CHRM3: variants seen among roughly 807,000 people sequenced by gnomAD.
CHRM3 encodes the protein cholinergic receptor muscarinic 3.
Under a neutral mutation model 41.8 loss-of-function variants are expected in CHRM3, and 11 were observed. The ratio of observed to expected loss-of-function variants is 0.26; its 90% CI spans 0.17 to 0.44. The LOEUF is 0.44. Among genes scored for constraint, CHRM3 ranks in the 20% least tolerant of loss-of-function variants. The pLI is 1.00. For missense variants in CHRM3, 571 were observed against 745.4 expected (o/e 0.77, Z 2.72); for synonymous variants, 297 against 301.4 (o/e 0.99, Z 0.15).
intron 6 of CHRM3, among the ~76,000 whole-genome samples, chr1:239,869,647 TC>T (rs1234781603): frequency 1.3e-5 from 2 of 152,112 alleles, no homozygotes; most frequent in East Asian, 3.9e-4. Flanking sequence ...AGACTTCCTT[TC>T]TTCCTCTGAC....
chr1:239,520,264 T>C (rs1669552725), intron 2 of CHRM3, among the ~76,000 whole-genome samples: 1 of 152,174 alleles, frequency 6.6e-6, no homozygotes, highest in South Asian at 2.1e-4. Context: ...TTAACAGTGA[T>C]ATAGTTTGAA....
At chr1:239,902,352 G>A (rs1369645221) in intron 6 of CHRM3, among the ~76,000 whole-genome samples, 1 of 152,138 alleles carries the variant, frequency 6.6e-6, no homozygotes, top group African/African-American at 2.4e-5. Flanking sequence ...AAATAGTCAA[G>A]TAATTTGGTA....
chr1:239,433,050 A>T (rs1662951496), intron 1 of CHRM3, among the ~76,000 whole-genome samples: 1 of 152,012 alleles, frequency 6.6e-6, no homozygotes. Context: ...TCAAATCTTT[A>T]CCTTTATTTC....
At chr1:239,446,258 A>G (rs562869162) in intron 1 of CHRM3, among the ~76,000 whole-genome samples, 22 of 152,314 alleles carry the variant, frequency 1.4e-4, no homozygotes, top group East Asian at 1.9e-4. Context: ...TAAACCTTCA[A>G]GACAGAAGAA....
intron 1 of CHRM3, among the ~76,000 whole-genome samples, chr1:239,459,286 A>AAATCATTT (rs1665188382): frequency 6.6e-6 from 1 of 152,150 alleles, no homozygotes; most frequent in Admixed American, 6.6e-5. Context: ...AAACATGTAA[A>AAATCATTT]AATCATTTAT....
chr1:239,704,949 C>T (rs1292080562), intron 5 of CHRM3: 1 of 152,186 alleles, frequency 6.6e-6, no homozygotes, highest in Non-Finnish European at 1.5e-5. Context: ...ACCCATAGTC[C>T]CAGCACTTTG....
rs1558184197 is a variant in CHRM3 at position 239,389,808 on chromosome 1, G to T, written c.-521+2581G>T. Reference sequence around the variant, plus strand: ...AACTTTGTTAACATTGGCAAGCTCAGTTGCTTACTGCTAAATGGCCTGGAC... The same window carrying T: ...AACTTTGTTAACATTGGCAAGCTCATTTGCTTACTGCTAAATGGCCTGGAC... On this transcript the variant is annotated intron_variant, in intron 1 of 6. Coordinates refer to ENST00000676153, the MANE Select transcript of CHRM3 (RefSeq NM_001375978.1). Among the ~76,000 whole-genome samples, 3 of 152,334 alleles carry T rather than the reference G, an allele frequency of 2.0e-5. No homozygotes were observed. In the East Asian group the frequency reaches 5.8e-4, roughly 29 times the overall value.
chr1:239,574,473 C>T (rs1009717103), intron 3 of CHRM3, among the ~76,000 whole-genome samples: 2 of 152,108 alleles, frequency 1.3e-5, no homozygotes, highest in African/African-American at 4.8e-5. Flanking sequence ...GGCCAGCTCC[C>T]TTACTACCTT....
chr1:239,802,000 T>C (rs1670260509), intron 5 of CHRM3, among the ~76,000 whole-genome samples: 1 of 152,198 alleles, frequency 6.6e-6, no homozygotes, highest in Non-Finnish European at 1.5e-5. Flanking sequence ...ACAGTCCCAG[T>C]GGCAGGCCAA....
intron 1 of CHRM3, among the ~76,000 whole-genome samples, chr1:239,448,565 T>C (rs1032324114): frequency 6.6e-6 from 1 of 152,110 alleles, no homozygotes; most frequent in Non-Finnish European, 1.5e-5. Flanking sequence ...CTCTATCAAG[T>C]TTGTAATAGA....
At chr1:239,663,858 A>T (rs1673503851) in intron 4 of CHRM3, among the ~76,000 whole-genome samples, 1 of 152,226 alleles carries the variant, frequency 6.6e-6, no homozygotes, top group Non-Finnish European at 1.5e-5. Context: ...CCTTTAAAGA[A>T]ATCTCAGGAA....
At chr1:239,402,529 G>A (rs749809692) in intron 1 of CHRM3, among the ~76,000 whole-genome samples, 6 of 151,914 alleles carry the variant, frequency 3.9e-5, no homozygotes, top group East Asian at 3.9e-4. Flanking sequence ...CCCTTTCCCC[G>A]CTCTGTCATG....
At chr1:239,602,577 CA>C (rs1665736234) in intron 3 of CHRM3, among the ~76,000 whole-genome samples, 1 of 152,092 alleles carries the variant, frequency 6.6e-6, no homozygotes, top group African/African-American at 2.4e-5. Context: ...TAATTATTTA[CA>C]AAGCCTGTTG....
rs191545177 is a variant in CHRM3, at chr1:239,840,443, C to T, written c.-20+13065C>T. ...ATCTTGTTCTGCAATTCCAGTTTAA[C>T]TCCTAATAAACTGATATTTGGAAGG... On this transcript the variant is annotated intron_variant, in intron 6 of 6. Transcript: ENST00000676153. Among the ~76,000 whole-genome samples, 132 of 152,266 alleles carry T rather than the reference C, an allele frequency of 8.7e-4. No homozygotes were observed. The Middle Eastern group carries it at 0.01, about 12-fold the overall frequency.
intron 1 of CHRM3, among the ~76,000 whole-genome samples, chr1:239,440,454 T>A (rs1390751760): frequency 1.3e-5 from 2 of 152,150 alleles, no homozygotes; most frequent in African/African-American, 4.8e-5. Context: ...AAGACCCTGC[T>A]GCTAAAAATA....
chr1:239,903,254 T>G (rs1679721261), intron 6 of CHRM3, among the ~76,000 whole-genome samples: 1 of 152,248 alleles, frequency 6.6e-6, no homozygotes, highest in South Asian at 2.1e-4. Flanking sequence ...AATTTTTACT[T>G]ATATTCTTCA....
intron 2 of CHRM3, among the ~76,000 whole-genome samples, chr1:239,538,338 C>T (rs909438821): frequency 2.0e-5 from 3 of 152,080 alleles, no homozygotes; most frequent in African/African-American, 7.2e-5. Context: ...TTCAGTTTCT[C>T]TCTGTTGGCC....
At chr1:239,691,666 G>A (rs571112418) in intron 5 of CHRM3, among the ~76,000 whole-genome samples, 1 of 152,288 alleles carries the variant, frequency 6.6e-6, no homozygotes, top group Admixed American at 6.5e-5. Context: ...GGAGAAAACA[G>A]CCACTCATAA....
chr1:239,843,667 A>G (rs2149180618), intron 6 of CHRM3, among the ~76,000 whole-genome samples: 1 of 152,220 alleles, frequency 6.6e-6, no homozygotes, highest in African/African-American at 2.4e-5. Context: ...CTTCCACGTT[A>G]CCAGCTAAAA....
Sources: gnomAD v4.1 joint callset for allele counts (sites outside exome capture counted in the v4.1 genomes callset) on GRCh38, gnomAD v4.1.1 for gene constraint, MANE v1.5 for transcripts, NCBI Gene and HGNC (gene_info 2026-07-23, HGNC 2026-07-21) for gene names.